The following PDE4D variants were observed in gnomAD, a reference collection of about 807,000 sequenced individuals.
PDE4D encodes the protein phosphodiesterase 4D.
PDE4D carries 24 observed loss-of-function variants against 87.4 expected under a neutral mutation model. The ratio of observed to expected loss-of-function variants is 0.27; its 90% CI spans 0.20 to 0.39. The LOEUF is 0.39. Ranked by LOEUF, PDE4D falls within the 10% of genes least tolerant of loss-of-function variation. The pLI is 1.00. For missense variants in PDE4D, 714 were observed against 1,041.0 expected (o/e 0.69, Z 4.32); for synonymous variants, 384 against 383.2 (o/e 1.00, Z -0.02).
intron 1 of PDE4D, among the ~76,000 whole-genome samples, chr5:59,877,333 G>A (rs1194853596): frequency 6.6e-6 from 1 of 151,948 alleles, no homozygotes; most frequent in Non-Finnish European, 1.5e-5. Flanking sequence ...AAAGCACATG[G>A]CAGAGATTTT....
chr5:60,046,542 T>C (rs1369175521), intron 2 of PDE4D, among the ~76,000 whole-genome samples: 11 of 152,324 alleles, frequency 7.2e-5, no homozygotes, highest in Admixed American at 4.6e-4. Flanking sequence ...ATACATCCCA[T>C]CAATACCTAA....
chr5:60,153,642 G>A (rs1781711244), intron 2 of PDE4D, among the ~76,000 whole-genome samples: 1 of 152,166 alleles, frequency 6.6e-6, no homozygotes, highest in Non-Finnish European at 1.5e-5. Flanking sequence ...ATAGGTGAAT[G>A]GATAAAGAAA....
chr5:60,112,438 T>C (rs1777772739), intron 2 of PDE4D, among the ~76,000 whole-genome samples: 1 of 152,128 alleles, frequency 6.6e-6, no homozygotes, highest in Non-Finnish European at 1.5e-5. Context: ...AACAGTATGA[T>C]AAACAACATG....
intron 1 of PDE4D, among the ~76,000 whole-genome samples, chr5:59,445,599 A>G (rs771744348): frequency 1.3e-5 from 2 of 152,228 alleles, no homozygotes; most frequent in Non-Finnish European, 2.9e-5. Context: ...CATAATACAG[A>G]CAAAAATAAC....
chr5:60,099,906 A>G (rs1400938024), intron 2 of PDE4D, among the ~76,000 whole-genome samples: 1 of 152,036 alleles, frequency 6.6e-6, no homozygotes, highest in Admixed American at 6.6e-5. Flanking sequence ...CTTTGTACAC[A>G]TATGAAATGA....
chr5:59,895,289 C>T (rs1048665798), upstream of PDE4D, among the ~76,000 whole-genome samples: 1 of 152,208 alleles, frequency 6.6e-6, no homozygotes, highest in Non-Finnish European at 1.5e-5. Context: ...GTGCAAGTGG[C>T]AGGAGAAGGC....
chr5:59,770,388 AAAATG>A (rs1171037518), intron 1 of PDE4D, among the ~76,000 whole-genome samples: 2 of 152,322 alleles, frequency 1.3e-5, no homozygotes, highest in African/African-American at 2.4e-5. Flanking sequence ...GAACAACTGG[AAAATG>A]AAATAGTCAG....
intron 3 of PDE4D, among the ~76,000 whole-genome samples, chr5:59,981,479 G>A (rs1761929217): frequency 6.6e-6 from 1 of 152,058 alleles, no homozygotes; most frequent in Non-Finnish European, 1.5e-5. Context: ...CAAGATTATT[G>A]GAAGTATTGT....
At chr5:59,618,919 G>A (rs1048623494) in intron 1 of PDE4D, among the ~76,000 whole-genome samples, 5 of 152,142 alleles carry the variant, frequency 3.3e-5, no homozygotes, top group Non-Finnish European at 5.9e-5. Context: ...GAAAGCCCTC[G>A]CAAGATGCTG....
At chr5:60,227,707 G>T (rs909477443) in intron 1 of PDE4D, among the ~76,000 whole-genome samples, 1 of 152,034 alleles carries the variant, frequency 6.6e-6, no homozygotes, top group Non-Finnish European at 1.5e-5. Context: ...ATTAGTCTTT[G>T]CACATTCACT....
intron 1 of PDE4D, among the ~76,000 whole-genome samples, chr5:59,719,131 C>G (rs139606086): frequency 1.3e-3 from 191 of 152,084 alleles, no homozygotes; most frequent in African/African-American, 4.4e-3. Context: ...AAATGAATTT[C>G]TACCCCAAAA....
chr5:59,099,120 C>T (rs1770291250), intron 5 of PDE4D, among the ~76,000 whole-genome samples: 1 of 152,152 alleles, frequency 6.6e-6, no homozygotes, highest in African/African-American at 2.4e-5. Context: ...TAAGGATATT[C>T]AGTCAGCACC....
intron 2 of PDE4D, among the ~76,000 whole-genome samples, chr5:60,171,566 A>G (rs1783430959): frequency 6.6e-6 from 1 of 152,134 alleles, no homozygotes; most frequent in Non-Finnish European, 1.5e-5. Flanking sequence ...TGAAACTCAC[A>G]TAGGCTTTAT....
At chr5:60,391,125 A>C (rs1478603137) in intron 1 of PDE4D, among the ~76,000 whole-genome samples, 1 of 152,112 alleles carries the variant, frequency 6.6e-6, no homozygotes, top group African/African-American at 2.4e-5. Flanking sequence ...CATGAAGGCA[A>C]GATTTTTTAT....
chr5:58,976,170 C>A (rs1424441012), intron 13 of PDE4D, among the ~76,000 whole-genome samples, 180 bp downstream of exon 13: 2 of 152,056 alleles, frequency 1.3e-5, no homozygotes, highest in South Asian at 4.1e-4. Context: ...AACAGAAAGA[C>A]CAGTAGAATT....
chr5:60,391,244 C>T (rs972695338), intron 1 of PDE4D, among the ~76,000 whole-genome samples: 2 of 152,112 alleles, frequency 1.3e-5, no homozygotes, highest in Non-Finnish European at 2.9e-5. Context: ...ATAACATCCC[C>T]ACATGGTGAT....
At chr5:59,831,336 A>AC (rs1196572984) in intron 1 of PDE4D, among the ~76,000 whole-genome samples, 24 of 151,616 alleles carry the variant, frequency 1.6e-4, no homozygotes, top group Admixed American at 4.6e-4. Context: ...CAAAAAAAAA[A>AC]AAAAAAAAAA....
intron 1 of PDE4D, among the ~76,000 whole-genome samples, chr5:59,333,397 G>C (rs2153577934): frequency 6.6e-6 from 1 of 152,274 alleles, no homozygotes; most frequent in Non-Finnish European, 1.5e-5. Context: ...TTCACTTAAA[G>C]TTGTGACAAC....
chr5:60,095,048 T>C (rs762252215), intron 2 of PDE4D, among the ~76,000 whole-genome samples: 8 of 152,186 alleles, frequency 5.3e-5, no homozygotes, highest in Non-Finnish European at 1.2e-4. Flanking sequence ...TTTTTACTTA[T>C]TTATTTACTT....
Sources: allele counts gnomAD v4.1 joint callset (sites outside exome capture counted in the v4.1 genomes callset), GRCh38; gene constraint gnomAD v4.1.1; transcripts MANE v1.5; gene names NCBI Gene and HGNC (gene_info 2026-07-23, HGNC 2026-07-21).